The following ARFGAP3 variants were observed in gnomAD, a reference collection of about 807,000 sequenced individuals.
The protein encoded by ARFGAP3 is ARF GTPase activating protein 3, also known as ADP-ribosylation factor GTPase-activating protein 3.
ARFGAP3 carries 72 observed loss-of-function variants against 75.0 expected under a neutral mutation model. The observed-to-expected ratio is 0.96, with a 90% CI of 0.79 to 1.17. The LOEUF (loss-of-function observed/expected upper bound fraction) is 1.17, where lower values mean the gene tolerates loss of function less well. Among genes scored for constraint, ARFGAP3 ranks in the 50% most tolerant of loss-of-function variants. The pLI is 0.00. For synonymous variants in ARFGAP3, 221 were observed against 217.9 expected (o/e 1.01, Z -0.13); for missense variants, 620 against 626.6 (o/e 0.99, Z 0.11).
chr22:42,821,737 T>C (rs1288038766), intron 9 of ARFGAP3, among the ~76,000 whole-genome samples: 1 of 152,218 alleles, frequency 6.6e-6, no homozygotes, highest in African/African-American at 2.4e-5. Context: ...TTAATTTCTC[T>C]TGAGTATATA....
rs557418527 is a variant in ARFGAP3 at position 42,797,742 on chromosome 22, G to T, written c.1534-137C>A. ...GTGACATGGACGCTGCACCCCGAGGGTGTGCTCATCTGGAAGCAGCCATTG... is the reference window on the plus strand; with the variant it reads ...GTGACATGGACGCTGCACCCCGAGGTTGTGCTCATCTGGAAGCAGCCATTG... On this transcript the variant is annotated intron_variant, in intron 15 of 15. Transcript: ENST00000263245. 417 of 1,575,942 alleles carry T rather than the reference G, an allele frequency of 2.6e-4. No individual in the cohort carries two copies. The African/African-American group carries it at 5.2e-3, about 19-fold the overall frequency.
At chr22:42,813,938 T>G (rs1925475931) in intron 11 of ARFGAP3, among the ~76,000 whole-genome samples, 1 of 152,198 alleles carries the variant, frequency 6.6e-6, no homozygotes, top group Non-Finnish European at 1.5e-5. Context: ...CCCCTCCCAC[T>G]CTGTCTTTAC....
At chr22:42,832,247 G>A (rs1926326073) in intron 5 of ARFGAP3, among the ~76,000 whole-genome samples, 1 of 151,154 alleles carries the variant, frequency 6.6e-6, no homozygotes, top group South Asian at 2.1e-4. Flanking sequence ...TAAGGAATAA[G>A]CTGGGCACAG....
intron 7 of ARFGAP3, among the ~76,000 whole-genome samples, chr22:42,825,576 G>A (rs1331064719): frequency 6.6e-6 from 1 of 151,784 alleles, no homozygotes; most frequent in East Asian, 1.9e-4. Flanking sequence ...TTGGGAGGCT[G>A]AGGCACGAGA....
chr22:42,841,607 C>G (rs1334785899), intron 2 of ARFGAP3, among the ~76,000 whole-genome samples: 4 of 152,138 alleles, frequency 2.6e-5, no homozygotes, highest in Middle Eastern at 3.2e-3. Flanking sequence ...AGTATAGCCT[C>G]AACAATGCAC....
At chr22:42,801,431 C>T (rs1453448188) in intron 14 of ARFGAP3, among the ~76,000 whole-genome samples, 1 of 152,224 alleles carries the variant, frequency 6.6e-6, no homozygotes, top group East Asian at 1.9e-4. Flanking sequence ...GTGCCCAGTG[C>T]AGGTGGGCAG....
rs60266541 is a variant in ARFGAP3 at position 42,846,038 on chromosome 22, C to CA, written c.188+1475dup. On this transcript the variant is annotated intron_variant, in intron 2 of 15. Transcript: ENST00000263245. ...GGGCGACAAGAGCAAAACTCCATCTCAAAAAAAAAAAAAAAAAAAAAAAGA... is the reference window on the plus strand; with the variant it reads ...GGGCGACAAGAGCAAAACTCCATCTCAAAAAAAAAAAAAAAAAAAAAAAAGA... 3.4e-3 allele frequency among the ~76,000 whole-genome samples: 294 copies of CA among 87,656 alleles called. 1 individual carries two copies. The highest frequency in any genetic ancestry group is 0.018 in the Middle Eastern group (3 of 166). The allele number at this position is 87,656 out of a possible 152,430, so 57.5% of individuals were successfully genotyped here.
chr22:42,848,418 C>T (rs1927121021), intron 1 of ARFGAP3, among the ~76,000 whole-genome samples: 2 of 152,146 alleles, frequency 1.3e-5, no homozygotes, highest in African/African-American at 4.8e-5. Flanking sequence ...CCGTGTTAGC[C>T]AGGATAGTCT....
At chr22:42,803,561 CT>C (rs1261473291) in intron 14 of ARFGAP3, among the ~76,000 whole-genome samples, 1 of 152,220 alleles carries the variant, frequency 6.6e-6, no homozygotes, top group Non-Finnish European at 1.5e-5. Context: ...ACACAGCTGC[CT>C]CCACTCTGTC....
In ARFGAP3 at chr22:42,847,618, A is replaced by G. The variant is rs1172524906; in HGVS notation, c.84T>C (p.Cys28=). Residue 28 remains cysteine, a synonymous_variant, in exon 2 of 16, where the codon TGT becomes TGC. Transcript: ENST00000263245. ...TTGCCCAGCTGGGATTTTTGGCACC[A>G]CAATCAAAACACACCTGAAAAAAAA... The part of the protein sequence containing the change: ...SVPTNKVCFD[C]GAKNPSWASI... 3 of 1,612,102 alleles carry G rather than the reference A, an allele frequency of 1.9e-6. No homozygotes were observed. The highest frequency in any genetic ancestry group is 1.3e-5 in the African/African-American group (1 of 74,836).
intron 11 of ARFGAP3, among the ~76,000 whole-genome samples, chr22:42,813,184 A>C (rs1487545294): frequency 6.6e-6 from 1 of 152,260 alleles, no homozygotes; most frequent in Non-Finnish European, 1.5e-5. Flanking sequence ...AAGGGCAAGA[A>C]GACACATTCA....
Position 42,817,734 on chromosome 22 carries a change from G to T in ARFGAP3, c.936C>A (p.Cys312Ter). The T allele has an allele frequency of 6.2e-7, 1 of 1,610,872 alleles. No homozygotes were observed. The change falls in exon 10 of 16, where the codon TGC (cysteine) becomes TGA (stop). Residue 312 changes from cysteine to a stop codon, truncating the protein, a stop_gained. Coordinates refer to ENST00000263245, the MANE Select transcript of ARFGAP3 (RefSeq NM_014570.5). LOFTEE classifies it high-confidence loss of function. ...AAGAAAGCAGTCTCACATACCTTCT[G>T]CAATTTCCAAATCCCATGCCGAGTC... is the stretch of plus-strand genomic sequence containing the variant. ...SDRLGMGFGN[C>*]RSVISHSVTS...
chr22:42,821,025 G>A (rs917869077), intron 9 of ARFGAP3, among the ~76,000 whole-genome samples: 6 of 152,026 alleles, frequency 3.9e-5, no homozygotes, highest in East Asian at 1.9e-4. Context: ...CCACATTATC[G>A]TTCCAACTCC....
At chr22:42,801,241 G>A (rs1021899928) in intron 14 of ARFGAP3, among the ~76,000 whole-genome samples, 6 of 152,174 alleles carry the variant, frequency 3.9e-5, no homozygotes, top group South Asian at 4.1e-4. Context: ...AGAGGCAGGC[G>A]GATTAAGGAT....
intron 7 of ARFGAP3, among the ~76,000 whole-genome samples, chr22:42,826,347 A>G (rs1163657469): frequency 2.0e-5 from 3 of 151,738 alleles, no homozygotes; most frequent in African/African-American, 7.3e-5. Context: ...AATCAAAACC[A>G]TCAGCAGCCA....
At chr22:42,847,814 T>TTATTA (rs10636727) in intron 1 of ARFGAP3, 182 bp from the exon 2 acceptor site, 74,578 of 177,990 alleles carry the variant, frequency 0.42, 17,248 homozygotes, top group African/African-American at 0.47. Flanking sequence ...TGCTCTTTTA[T>TTATTA]TATTATATAT....
chr22:42,824,379 G>C (rs1250486120), intron 7 of ARFGAP3, among the ~76,000 whole-genome samples: 1 of 151,826 alleles, frequency 6.6e-6, no homozygotes, highest in South Asian at 2.1e-4. Context: ...ATTTTTTAGA[G>C]ATGGTCTCAC....
intron 15 of ARFGAP3, among the ~76,000 whole-genome samples, chr22:42,798,220 C>A (rs1353820532): frequency 6.6e-6 from 1 of 151,726 alleles, no homozygotes; most frequent in African/African-American, 2.4e-5. Flanking sequence ...CTATTCACAG[C>A]ATGAAAACGG....
At chr22:42,846,278 T>C (rs1016182334) in intron 2 of ARFGAP3, among the ~76,000 whole-genome samples, 24 of 152,214 alleles carry the variant, frequency 1.6e-4, no homozygotes, top group African/African-American at 5.3e-4. Flanking sequence ...CCATGGCTGT[T>C]TGAGGGTGCT....
Sources: gnomAD v4.1 joint callset for allele counts (sites outside exome capture counted in the v4.1 genomes callset) on GRCh38, gnomAD v4.1.1 for gene constraint, MANE v1.5 for transcripts, NCBI Gene and HGNC (gene_info 2026-07-23, HGNC 2026-07-21) for gene names.